The following ABL2 variants were observed in gnomAD, a reference collection of about 807,000 sequenced individuals.
ABL2 encodes tyrosine-protein kinase ABL2.
Under a neutral mutation model 107.7 loss-of-function variants are expected in ABL2, and 49 were observed. The ratio of observed to expected loss-of-function variants is 0.45; its 90% CI spans 0.36 to 0.58. The LOEUF is 0.58. Ranked by LOEUF, ABL2 falls within the 20% of genes least tolerant of loss-of-function variation. The pLI is 0.00. For synonymous variants in ABL2, 549 were observed against 548.6 expected (o/e 1.00, Z -0.01); for missense variants, 1,245 against 1,457.0 (o/e 0.85, Z 2.37).
intron 1 of ABL2, chr1:179,201,860 A>G: frequency 7.5e-7 from 1 of 1,326,402 alleles, no homozygotes; most frequent in Non-Finnish European, 1.0e-6. Flanking sequence ...GGACTCTTTG[A>G]GACATCAAGA....
chr1:179,174,976 G>A (rs1353588075), intron 1 of ABL2, among the ~76,000 whole-genome samples: 2 of 149,766 alleles, frequency 1.3e-5, no homozygotes, highest in Non-Finnish European at 1.5e-5. Flanking sequence ...GGAGAAAGTA[G>A]AGAAATATAA....
At chr1:179,174,462 T>C (rs548126628) in intron 1 of ABL2, among the ~76,000 whole-genome samples, 2 of 151,620 alleles carry the variant, frequency 1.3e-5, no homozygotes, top group South Asian at 2.1e-4. Context: ...TACAAAAAAT[T>C]AGCCGGGCGT....
chr1:179,138,847 C>T (rs1310013417), intron 1 of ABL2, among the ~76,000 whole-genome samples: 8 of 152,374 alleles, frequency 5.3e-5, no homozygotes, highest in Admixed American at 2.0e-4. Context: ...GAGGGAGAGG[C>T]GCCAGCAGGA....
In ABL2 at chr1:179,126,510, TA is replaced by T; in HGVS notation, c.553del (p.Tyr185IlefsTer6). The T allele has an allele frequency of 6.2e-7, 1 of 1,614,220 alleles. No individual in the cohort carries two copies. Among genetic ancestry groups the T allele is most frequent in the Non-Finnish European group, 8.5e-7 (1 of 1,180,054 alleles). ...GCCATTGATTAGACTGCTGAGCAGA[TA>T]CTCAGCTGCACTGCGTGACACAGGT... ...HGPVSRSAAE[Y>X]LLSSLINGSF... On this transcript the variant is annotated frameshift_variant, in exon 4 of 12. Coordinates refer to ENST00000502732, the MANE Select transcript of ABL2 (RefSeq NM_007314.4). LOFTEE classifies it high-confidence loss of function. This position sits in a 1 kb window ranked among gnomAD's most constrained non-coding sequence, Gnocchi z 4.4.
At chr1:179,195,815 T>C (rs1661276984) in intron 1 of ABL2, among the ~76,000 whole-genome samples, 1 of 152,218 alleles carries the variant, frequency 6.6e-6, no homozygotes, top group African/African-American at 2.4e-5. Context: ...TCCATTTATA[T>C]GAGGAACCTA....
rs1230179108 is a variant in ABL2 at position 179,126,496 on chromosome 1, G to A, written c.568C>T (p.Leu190=). ...RSAAEYLLSS[L]INGSFLVRES... ...CGCACCAGGAAGCTGCCATTGATTA[G>A]ACTGCTGAGCAGATACTCAGCTGCA... The change falls in exon 4 of 12, where the codon CTA becomes TTA. Residue 190 remains leucine (L), a synonymous_variant. Coordinates refer to ENST00000502732, the MANE Select transcript of ABL2 (RefSeq NM_007314.4). This position sits in a 1 kb window ranked among gnomAD's most constrained non-coding sequence, Gnocchi z 4.4. 1.9e-6 allele frequency: 3 copies of A among 1,614,172 alleles called. No individual in the cohort carries two copies. In the South Asian group the frequency reaches 3.3e-5, roughly 18 times the overall value.
chr1:179,113,078 A>C (rs1001501653), intron 9 of ABL2, among the ~76,000 whole-genome samples: 2 of 151,968 alleles, frequency 1.3e-5, no homozygotes, highest in Non-Finnish European at 2.9e-5. Flanking sequence ...CAGCGATCTC[A>C]AGCTACTGTA....
chr1:179,115,903 T>C (rs972946257), intron 8 of ABL2, among the ~76,000 whole-genome samples: 1 of 152,216 alleles, frequency 6.6e-6, no homozygotes. Context: ...ACTATTTCTA[T>C]TGGTCCACAA....
chr1:179,174,916 A>T (rs1196429640), intron 1 of ABL2, among the ~76,000 whole-genome samples: 4 of 101,542 alleles, frequency 3.9e-5, no homozygotes, highest in South Asian at 2.7e-4. Flanking sequence ...AAATAAAATA[A>T]AAAAAATAAT....
At chr1:179,179,946 C>CA (rs796697169) in intron 1 of ABL2, among the ~76,000 whole-genome samples, 6,831 of 123,782 alleles carry the variant, frequency 0.055, 179 homozygotes, top group African/African-American at 0.084. Context: ...ACTAAAAATA[C>CA]AAAAAAAAAA....
intron 3 of ABL2, among the ~76,000 whole-genome samples, chr1:179,128,688 CT>C (rs1557933558): frequency 6.6e-6 from 1 of 152,068 alleles, no homozygotes; most frequent in African/African-American, 2.4e-5. Context: ...CTAGGGAGAA[CT>C]TTTTTGTTTG....
chr1:179,125,057 C>T (rs1167179343), intron 4 of ABL2, among the ~76,000 whole-genome samples: 2 of 152,168 alleles, frequency 1.3e-5, no homozygotes, highest in African/African-American at 4.8e-5. Context: ...GTTGAGTCAG[C>T]TAACACTCAT....
chr1:179,229,202 C>CCCCCCCCCCCCCCCCCCCCCCA, intron 1 of ABL2, 39 bp downstream of exon 1: 4 of 1,401,862 alleles, frequency 2.9e-6, no homozygotes, highest in East Asian at 3.0e-5. Context: ...CACCCCCGGC[C>CCCCCCCCCCCCCCCCCCCCCCA]TCCCCCACGC....
At chr1:179,226,687 G>A (rs1397524129) in intron 1 of ABL2, among the ~76,000 whole-genome samples, 1 of 152,016 alleles carries the variant, frequency 6.6e-6, no homozygotes, top group Non-Finnish European at 1.5e-5. Context: ...TATGTGCCCA[G>A]CCACTATTCA....
chr1:179,139,517 G>A (rs1004759297), intron 1 of ABL2, among the ~76,000 whole-genome samples: 17 of 152,164 alleles, frequency 1.1e-4, no homozygotes, highest in African/African-American at 3.1e-4. Context: ...CACCAATTCC[G>A]GACACAGCTC....
chr1:179,125,570 A>G (rs1274434675), intron 4 of ABL2, among the ~76,000 whole-genome samples: 2 of 152,222 alleles, frequency 1.3e-5, no homozygotes, highest in African/African-American at 4.8e-5. Context: ...ATGCTGGTGC[A>G]AAAGTGAAAG....
At chr1:179,176,984 A>G (rs1261265467) in intron 1 of ABL2, among the ~76,000 whole-genome samples, 1 of 152,048 alleles carries the variant, frequency 6.6e-6, no homozygotes, top group Non-Finnish European at 1.5e-5. Context: ...GCATGAGCCA[A>G]CACACACGGC....
At chr1:179,183,629 T>C (rs940185697) in intron 1 of ABL2, 5 of 152,206 alleles carry the variant, frequency 3.3e-5, no homozygotes, top group African/African-American at 1.2e-4. Context: ...AGTTAAAATG[T>C]TGTAGAGCAC....
intron 1 of ABL2, 74 bp downstream of exon 1, chr1:179,229,167 T>TCCCCCCCCCCCCCCCCCC: frequency 2.5e-6 from 1 of 402,572 alleles, no homozygotes; most frequent in East Asian, 6.5e-5. Context: ...GGGCAGCCCG[T>TCCCCCCCCCCCCCCCCCC]CCGCCACCCA....
Sources: allele counts gnomAD v4.1 joint callset (sites outside exome capture counted in the v4.1 genomes callset), GRCh38; gene constraint gnomAD v4.1.1; non-coding constraint Gnocchi (gnomAD v3.1); transcripts MANE v1.5; gene names NCBI Gene and HGNC (gene_info 2026-07-23, HGNC 2026-07-21).